Variants in CDH18 observed in about 807,000 individuals in gnomAD.
CDH18 encodes cadherin 18.
Under a neutral mutation model 67.9 loss-of-function variants are expected in CDH18, and 31 were observed. The observed-to-expected ratio is 0.46, with a 90% CI of 0.34 to 0.62. The LOEUF (loss-of-function observed/expected upper bound fraction) is 0.62. Ranked by LOEUF, CDH18 falls within the 20% of genes least tolerant of loss-of-function variation. The pLI is 0.01. For missense variants in CDH18, 890 were observed against 975.5 expected (o/e 0.91, Z 1.17); for synonymous variants, 362 against 347.2 (o/e 1.04, Z -0.48).
At chr5:20,048,880 T>C (rs1266238133) in intron 2 of CDH18, among the ~76,000 whole-genome samples, 1 of 151,814 alleles carries the variant, frequency 6.6e-6, no homozygotes, top group South Asian at 2.1e-4. Flanking sequence ...AAATACAACA[T>C]GGATATCAAT....
rs1491463446 is a variant in CDH18, at chr5:20,501,556, A to ATATAATATATATATATTATATACATATT, written c.-580+73905_-580+73906insAATATGTATATAATATATATATATTATA. On this transcript the variant is annotated intron_variant, in intron 1 of 14. Coordinates refer to the CDH18 transcript ENST00000507958. ...TATATTATATACATATTATATATAT[A>ATATAATATATATATATTATATACATATT]ATATATATATATAATATATATATAT... 1.7e-4 allele frequency among the ~76,000 whole-genome samples: 10 copies of ATATAATATATATATATTATATACATATT among 58,448 alleles called. 1 individual carries two copies. Among genetic ancestry groups the ATATAATATATATATATTATATACATATT allele is most frequent in the Admixed American group, 4.1e-4 (2 of 4,902 alleles). 38.3% of individuals were successfully genotyped at this position (58,448 alleles called of 152,430 possible).
chr5:19,912,832 G>A (rs1791301085), intron 2 of CDH18, among the ~76,000 whole-genome samples: 1 of 152,108 alleles, frequency 6.6e-6, no homozygotes, highest in South Asian at 2.1e-4. Flanking sequence ...CTTTCTTAGA[G>A]GGAGAAGACA....
chr5:19,731,717 T>G (rs1028895439), intron 4 of CDH18, among the ~76,000 whole-genome samples: 2 of 152,156 alleles, frequency 1.3e-5, no homozygotes, highest in African/African-American at 2.4e-5. Context: ...CTCTAATGTG[T>G]GACATGTTTT....
At chr5:20,107,116 T>G (rs1229309439) in intron 2 of CDH18, among the ~76,000 whole-genome samples, 1 of 150,772 alleles carries the variant, frequency 6.6e-6, no homozygotes, top group Non-Finnish European at 1.5e-5. Flanking sequence ...AGTCTCGCTC[T>G]GTCGCCCAGG....
intron 1 of CDH18, among the ~76,000 whole-genome samples, chr5:20,436,824 A>AT (rs1192054982): frequency 1.3e-5 from 2 of 151,510 alleles, no homozygotes; most frequent in South Asian, 4.2e-4. Context: ...CCAAAAAAAA[A>AT]AAATTCCCAA....
chr5:20,088,894 T>C (rs1561780895), intron 2 of CDH18, among the ~76,000 whole-genome samples: 1 of 152,138 alleles, frequency 6.6e-6, no homozygotes, highest in Non-Finnish European at 1.5e-5. Context: ...CTACCCTTCA[T>C]TCTCTTTCAG....
intron 5 of CDH18, among the ~76,000 whole-genome samples, chr5:19,710,815 T>C (rs1453240054): frequency 6.6e-6 from 1 of 152,106 alleles, no homozygotes; most frequent in East Asian, 1.9e-4. Context: ...TGAGACATAA[T>C]TTGAAGTCCA....
intron 2 of CDH18, among the ~76,000 whole-genome samples, chr5:19,996,322 G>A (rs1307248071): frequency 6.6e-6 from 1 of 151,914 alleles, no homozygotes; most frequent in African/African-American, 2.4e-5. Flanking sequence ...TAAATTATCA[G>A]CATTATATTC....
At chr5:19,994,701 GTATATATATATATATATATATA>G (rs1166254040) in intron 2 of CDH18, among the ~76,000 whole-genome samples, 1 of 22,470 alleles carries the variant, frequency 4.5e-5, no homozygotes, top group African/African-American at 2.0e-4. Context: ...ACCTCTTCCA[GTATATATATATATATATATATA>G]TATATATATA....
chr5:19,580,843 A>AT (rs1743131595), intron 7 of CDH18, among the ~76,000 whole-genome samples: 1 of 151,958 alleles, frequency 6.6e-6, no homozygotes, highest in Non-Finnish European at 1.5e-5. Context: ...TAAATAGCAA[A>AT]TAAGTAGTGT....
Position 19,848,385 on chromosome 5 carries a change from C to T in CDH18, c.-256-9143G>A, listed in dbSNP as rs1204390074. Among the ~76,000 whole-genome samples, 4 of 152,070 alleles carry T rather than the reference C, an allele frequency of 2.6e-5. No homozygotes were observed. In the East Asian group the frequency reaches 7.7e-4, roughly 29 times the overall value. ...GCGAGGTATTATGATGAGAGGGTGC[C>T]ACACTTTCCTATCAGCTTAGATTCA... On this transcript the variant is annotated intron_variant, in intron 2 of 12. Transcript: ENST00000382275.
intron 1 of CDH18, among the ~76,000 whole-genome samples, chr5:20,366,308 C>G (rs1196741615): frequency 6.6e-6 from 1 of 152,132 alleles, no homozygotes; most frequent in Non-Finnish European, 1.5e-5. Flanking sequence ...ACCCATTCAC[C>G]AAGTCTTTGC....
intron 6 of CDH18, among the ~76,000 whole-genome samples, chr5:19,612,214 A>G (rs1749092794): frequency 6.6e-6 from 1 of 152,158 alleles, no homozygotes; most frequent in Non-Finnish European, 1.5e-5. Context: ...TTGATGCCAA[A>G]TGAAACTCCA....
rs143717824 is a variant in CDH18, at chr5:20,274,325, A to T, written c.-579-18820T>A. 1.3e-4 allele frequency among the ~76,000 whole-genome samples: 20 copies of T among 152,296 alleles called. No individual in the cohort carries two copies. The East Asian group carries it at 3.7e-3, about 28-fold the overall frequency. Reference sequence around the variant, plus strand: ...TTAGCAAGTATAAAGTACACGCAGCATGGCTGAATCTCAAAATAATTATAC... The same window carrying T: ...TTAGCAAGTATAAAGTACACGCAGCTTGGCTGAATCTCAAAATAATTATAC... On this transcript the variant is annotated intron_variant, in intron 1 of 14. Coordinates refer to the CDH18 transcript ENST00000507958.
intron 1 of CDH18, among the ~76,000 whole-genome samples, chr5:20,316,308 A>T (rs1378555641): frequency 6.6e-6 from 1 of 152,040 alleles, no homozygotes; most frequent in African/African-American, 2.4e-5. Flanking sequence ...AAACCAGAAA[A>T]ATGATGTTGA....
At chr5:20,301,789 C>CTTTTTTTTTTTTTT (rs59276117) in intron 1 of CDH18, among the ~76,000 whole-genome samples, 49 of 128,144 alleles carry the variant, frequency 3.8e-4, no homozygotes, top group East Asian at 7.3e-4. Context: ...TTTCTTTTTT[C>CTTTTTTTTTTTTTT]TTTTTTTTTT....
intron 1 of CDH18, among the ~76,000 whole-genome samples, chr5:20,502,295 G>A (rs925169362): frequency 3.9e-5 from 6 of 152,054 alleles, no homozygotes; most frequent in Admixed American, 2.0e-4. Context: ...TGACACACTC[G>A]ACCTGTGAAA....
In CDH18 at chr5:19,739,323, A is replaced by G. The variant is rs189418184; in HGVS notation, c.523+7619T>C. Among the ~76,000 whole-genome samples the G allele has an allele frequency of 1.1e-4, 16 of 152,328 alleles. No homozygotes were observed. In the East Asian group the frequency reaches 3.1e-3, roughly 29 times the overall value. Reference sequence around the variant, plus strand: ...ATTTTTGCTCTTATCCTCTTGAACTACTGCCCTAAGAATGCACACAAAGCA... The same window carrying G: ...ATTTTTGCTCTTATCCTCTTGAACTGCTGCCCTAAGAATGCACACAAAGCA... On this transcript the variant is annotated intron_variant, in intron 4 of 12. Transcript: ENST00000382275.
intron 2 of CDH18, among the ~76,000 whole-genome samples, chr5:20,045,721 G>T (rs1211132226): frequency 6.6e-6 from 1 of 151,918 alleles, no homozygotes; most frequent in Non-Finnish European, 1.5e-5. Flanking sequence ...CCTCTCACCT[G>T]AGAAGACATT....
Sources: gnomAD v4.1 joint callset for allele counts (sites outside exome capture counted in the v4.1 genomes callset) on GRCh38, gnomAD v4.1.1 for gene constraint, MANE v1.5 for transcripts, NCBI Gene and HGNC (gene_info 2026-07-23, HGNC 2026-07-21) for gene names.